KCNB2: variants seen among roughly 807,000 people sequenced by gnomAD.
KCNB2 encodes the protein potassium voltage-gated channel subfamily B member 2, also known as delayed rectifier potassium channel protein.
A neutral mutation model predicts 61.5 loss-of-function variants in KCNB2; 15 were observed. The observed-to-expected ratio is 0.24, with a 90% CI of 0.16 to 0.38. The LOEUF is 0.38. Among genes scored for constraint, KCNB2 ranks in the 10% least tolerant of loss-of-function variants. The pLI is 1.00. For synonymous variants in KCNB2, 457 were observed against 446.0 expected, an observed-to-expected ratio of 1.02 and a Z score of -0.31; for missense variants, 828 against 1,125.2, an observed-to-expected ratio of 0.74 and a Z score of 3.78.
intron 2 of KCNB2, among the ~76,000 whole-genome samples, chr8:72,930,869 G>A (rs1806767469): frequency 6.6e-6 from 1 of 152,198 alleles, no homozygotes; most frequent in African/African-American, 2.4e-5. Context: ...TGAAGTCCTT[G>A]CCCATGCCTA....
intron 2 of KCNB2, among the ~76,000 whole-genome samples, chr8:72,580,516 C>A (rs1806873709): frequency 6.6e-6 from 1 of 152,188 alleles, no homozygotes; most frequent in African/African-American, 2.4e-5. Flanking sequence ...TCATCTTATA[C>A]CGTACCCACT....
At chr8:72,643,430 A>G (rs1806084976) in intron 2 of KCNB2, among the ~76,000 whole-genome samples, 1 of 152,022 alleles carries the variant, frequency 6.6e-6, no homozygotes, top group Admixed American at 6.6e-5. Flanking sequence ...CTAGACTGAA[A>G]CCACATAGTG....
At chr8:72,578,271 G>A (rs553578747) in intron 2 of KCNB2, among the ~76,000 whole-genome samples, 3 of 152,250 alleles carry the variant, frequency 2.0e-5, no homozygotes, top group African/African-American at 7.2e-5. Flanking sequence ...TTTTAGTTTA[G>A]AGGCAGAAAA....
chr8:72,822,763 A>G (rs1809532057), intron 2 of KCNB2, among the ~76,000 whole-genome samples: 2 of 152,196 alleles, frequency 1.3e-5, no homozygotes, highest in South Asian at 4.1e-4. Flanking sequence ...CTCCAAATTC[A>G]GAGACCTTCC....
intron 2 of KCNB2, among the ~76,000 whole-genome samples, chr8:72,733,851 G>A (rs945783709): frequency 6.6e-6 from 1 of 152,070 alleles, no homozygotes; most frequent in South Asian, 2.1e-4. Context: ...TGGGAAGGGG[G>A]ACAGGGTGGT....
intron 1 of KCNB2, among the ~76,000 whole-genome samples, chr8:72,542,579 A>C (rs962225930): frequency 6.6e-6 from 1 of 152,198 alleles, no homozygotes; most frequent in Admixed American, 6.5e-5. Context: ...CTCCTGGGGA[A>C]TCATTTGATT....
intron 2 of KCNB2, among the ~76,000 whole-genome samples, chr8:72,743,013 C>A (rs1471095668): frequency 6.6e-6 from 1 of 152,152 alleles, no homozygotes; most frequent in African/African-American, 2.4e-5. Flanking sequence ...GCCATGAGCA[C>A]CTTTCAGGCA....
intron 2 of KCNB2, among the ~76,000 whole-genome samples, chr8:72,866,698 C>T (rs1251353005): frequency 6.6e-6 from 1 of 152,204 alleles, no homozygotes; most frequent in Non-Finnish European, 1.5e-5. Context: ...GGGTGTGCTT[C>T]CTACAAGCAA....
intron 2 of KCNB2, among the ~76,000 whole-genome samples, chr8:72,624,859 C>A (rs1805765130): frequency 6.6e-6 from 1 of 152,218 alleles, no homozygotes; most frequent in African/African-American, 2.4e-5. Context: ...TTTGAAGATG[C>A]CAGCTGCCAT....
intron 2 of KCNB2, among the ~76,000 whole-genome samples, chr8:72,779,889 T>C (rs186358740): frequency 1.3e-5 from 2 of 152,240 alleles, no homozygotes; most frequent in East Asian, 3.9e-4. Flanking sequence ...CACCACTGCG[T>C]TTCAGGATTA....
intron 2 of KCNB2, among the ~76,000 whole-genome samples, chr8:72,892,211 A>T (rs1805907600): frequency 6.6e-6 from 1 of 152,014 alleles, no homozygotes; most frequent in South Asian, 2.1e-4. Context: ...TATTCCCCAT[A>T]CTGGGCTCTC....
At chr8:72,883,954 C>T (rs998515762) in intron 2 of KCNB2, among the ~76,000 whole-genome samples, 4 of 152,138 alleles carry the variant, frequency 2.6e-5, no homozygotes, top group African/African-American at 9.7e-5. Flanking sequence ...AGTGGAATTG[C>T]AAATCACAAT....
At chr8:72,584,901 C>G (rs1806979897) in intron 2 of KCNB2, among the ~76,000 whole-genome samples, 1 of 152,162 alleles carries the variant, frequency 6.6e-6, no homozygotes, top group Non-Finnish European at 1.5e-5. Context: ...CTCCCCATCT[C>G]TCCCATCTCT....
At chr8:72,602,410 T>G (rs1805367142) in intron 2 of KCNB2, among the ~76,000 whole-genome samples, 3 of 152,182 alleles carry the variant, frequency 2.0e-5, no homozygotes, top group South Asian at 2.1e-4. Flanking sequence ...TAAATTTTAG[T>G]CAAAGGAGGA....
intron 2 of KCNB2, among the ~76,000 whole-genome samples, chr8:72,906,635 A>G (rs1476981039): frequency 6.6e-6 from 1 of 152,220 alleles, no homozygotes; most frequent in Non-Finnish European, 1.5e-5. Flanking sequence ...AGAGAATTGC[A>G]TCGTAAGAGA....
At chr8:72,810,832 A>G (rs1310462747) in intron 2 of KCNB2, among the ~76,000 whole-genome samples, 2 of 152,170 alleles carry the variant, frequency 1.3e-5, no homozygotes, top group Non-Finnish European at 2.9e-5. Context: ...TAACATCCCA[A>G]CCTAAAATCC....
At chr8:72,888,361 G>A (rs1805840368) in intron 2 of KCNB2, among the ~76,000 whole-genome samples, 1 of 152,012 alleles carries the variant, frequency 6.6e-6, no homozygotes, top group Non-Finnish European at 1.5e-5. Flanking sequence ...TCCACCCACC[G>A]CAGCTTCCCA....
At chr8:72,801,879 A>G (rs17186133) in intron 2 of KCNB2, among the ~76,000 whole-genome samples, 20,711 of 152,180 alleles carry the variant, frequency 0.14, 1,788 homozygotes, top group South Asian at 0.3. Context: ...CTCATTTTCA[A>G]TTTTACACAT....
At chr8:72,750,063 C>T (rs1808162446) in intron 2 of KCNB2, among the ~76,000 whole-genome samples, 1 of 151,758 alleles carries the variant, frequency 6.6e-6, no homozygotes, top group African/African-American at 2.4e-5. Context: ...CTACATACTC[C>T]TTAGCTGTGC....
Sources: gnomAD v4.1 joint callset for allele counts (sites outside exome capture counted in the v4.1 genomes callset) on GRCh38, gnomAD v4.1.1 for gene constraint, MANE v1.5 for transcripts, NCBI Gene and HGNC (gene_info 2026-07-23, HGNC 2026-07-21) for gene names.